The following HSDL1 variants were observed in gnomAD, a reference collection of about 807,000 sequenced individuals.
HSDL1 encodes the protein hydroxysteroid dehydrogenase like 1.
A neutral mutation model predicts 31.5 loss-of-function variants in HSDL1; 29 were observed. That is an observed-to-expected ratio of 0.92 (90% CI 0.69 to 1.26). The LOEUF (loss-of-function observed/expected upper bound fraction) is 1.26. Among genes scored for constraint, HSDL1 ranks in the 50% most tolerant of loss-of-function variants. The pLI is 0.00. For missense variants in HSDL1, 503 were observed against 416.6 expected, an observed-to-expected ratio of 1.21 and a Z score of -1.81; for synonymous variants, 222 against 155.2, an observed-to-expected ratio of 1.43 and a Z score of -3.20.
In HSDL1 at chr16:84,125,790, CAAAATGTTCACTGGTTAAGAACCACAA is replaced by C. The variant is rs372335863; in HGVS notation, c.895-1089_895-1063del. Among the ~76,000 whole-genome samples the C allele has an allele frequency of 7.2e-4, 109 of 152,286 alleles. 1 individual carries two copies. Among genetic ancestry groups the C allele is most frequent in the African/African-American group, 2.6e-3 (106 of 41,550 alleles). ...CTGTCTTTACTTAACGTGATATGAA[CAAAATGTTCACTGGTTAAGAACCACAA>C]AATCGGCTGGGCACGCTGGCTCATG... On this transcript the variant is annotated intron_variant, in intron 5 of 5. Transcript: ENST00000219439.
At chr16:84,125,455 C>T (rs2086596900) in intron 5 of HSDL1, among the ~76,000 whole-genome samples, 1 of 148,738 alleles carries the variant, frequency 6.7e-6, no homozygotes, top group African/African-American at 2.5e-5. Flanking sequence ...AATCACAATA[C>T]CCACCAATCA....
rs532927579 is a variant in HSDL1, at chr16:84,124,260, A to T, written c.*370T>A. ...AAAACCAGCACAACTCCTCTAGTGAAATGGTCAATTTCCCTTAAAAAACAA... is the reference window on the plus strand; with the variant it reads ...AAAACCAGCACAACTCCTCTAGTGATATGGTCAATTTCCCTTAAAAAACAA... On this transcript the variant is annotated 3_prime_UTR_variant, in exon 6 of 6. Coordinates refer to ENST00000219439, the MANE Select transcript of HSDL1 (RefSeq NM_031463.5). 105 of 178,672 alleles carry T rather than the reference A, an allele frequency of 5.9e-4. 2 individuals are homozygous for T. In the South Asian group the frequency reaches 0.012, roughly 21 times the overall value. 11.1% of individuals were successfully genotyped at this position (178,672 alleles called of 1,614,324 possible).
intron 5 of HSDL1, 196 bp from the exon 6 acceptor site, chr16:84,124,924 C>CCAAT (rs370909028): frequency 0.027 from 8,395 of 313,326 alleles, 1,939 homozygotes; most frequent in Non-Finnish European, 0.03. Context: ...CAAATACCCA[C>CCAAT]CAATCACAAC....
chr16:84,130,460 TGTGTATTTCACG>T, intron 3 of HSDL1, 29 bp from the exon 4 acceptor site: 1 of 1,573,172 alleles, frequency 6.4e-7, no homozygotes, highest in Non-Finnish European at 8.6e-7. Context: ...AAAGTGAGCA[TGTGTATTTCACG>T]GTGTGACCCT....
Position 84,129,597 on chromosome 16 carries a change from G to A in HSDL1, c.845C>T (p.Thr282Ile). The change falls in exon 5 of 6, where the codon ACT (threonine) becomes ATT (isoleucine). Residue 282 changes from threonine to isoleucine, a missense_variant. Thr to Ile is a moderately conservative substitution (Grantham distance 89, BLOSUM62 -1). Transcript: ENST00000219439. ...TGTGGTCCTTTTGGAAATCCCAAGAGTAGAAACAGCATGATGTGCATAGAC... is the reference window on the plus strand; with the variant it reads ...TGTGGTCCTTTTGGAAATCCCAAGAATAGAAACAGCATGATGTGCATAGAC... Reference protein sequence around the residue: ...PKVYAHHAVSTLGISKRTTGY... With the variant: ...PKVYAHHAVSILGISKRTTGY... 6.2e-7 allele frequency: 1 copy of A among 1,614,186 alleles called. No individual in the cohort carries two copies. Among genetic ancestry groups the A allele is most frequent in the Non-Finnish European group, 8.5e-7 (1 of 1,180,038 alleles).
intron 2 of HSDL1, among the ~76,000 whole-genome samples, chr16:84,134,429 C>T (rs1359069840): frequency 3.9e-5 from 6 of 152,102 alleles, no homozygotes; most frequent in African/African-American, 1.4e-4. Flanking sequence ...TCAAGACCAG[C>T]CTGGCCAACA....
At chr16:84,139,530 G>C (rs2086746040) in intron 1 of HSDL1, among the ~76,000 whole-genome samples, 1 of 152,160 alleles carries the variant, frequency 6.6e-6, no homozygotes, top group South Asian at 2.1e-4. Context: ...CTGACACCTT[G>C]ACTTTAGCGC....
chr16:84,138,597 T>G (rs2086735298), intron 1 of HSDL1, among the ~76,000 whole-genome samples: 1 of 152,244 alleles, frequency 6.6e-6, no homozygotes, highest in Non-Finnish European at 1.5e-5. Flanking sequence ...TAATTTTATT[T>G]GTCAATTATA....
intron 5 of HSDL1, among the ~76,000 whole-genome samples, chr16:84,126,480 C>T (rs1048952736): frequency 1.5e-4 from 23 of 152,110 alleles, no homozygotes; most frequent in East Asian, 1.9e-4. Flanking sequence ...ATACACAGGA[C>T]GCTCCCCATG....
intron 2 of HSDL1, among the ~76,000 whole-genome samples, chr16:84,131,602 C>A (rs2086667968): frequency 6.6e-6 from 1 of 152,084 alleles, no homozygotes; most frequent in African/African-American, 2.4e-5. Flanking sequence ...GCAACCTCCA[C>A]CTCCCGGGTT....
At chr16:84,134,130 A>G (rs1321437523) in intron 2 of HSDL1, among the ~76,000 whole-genome samples, 1 of 152,046 alleles carries the variant, frequency 6.6e-6, no homozygotes, top group African/African-American at 2.4e-5. Context: ...CCTTCAGTGT[A>G]GCGAACGAGC....
At position 84,129,687 on chromosome 16, in the gene HSDL1, G is replaced by A; in HGVS notation, c.755C>T (p.Ala252Val). 3.1e-6 allele frequency: 5 copies of A among 1,614,174 alleles called. No individual in the cohort carries two copies. The highest frequency in any genetic ancestry group is 4.2e-6 in the Non-Finnish European group (5 of 1,180,016). Residue 252 changes from alanine to valine, a missense_variant, in exon 5 of 6, where the codon GCC becomes GTC. Ala to Val is a moderately conservative substitution (Grantham distance 64, BLOSUM62 0). Coordinates refer to ENST00000219439, the MANE Select transcript of HSDL1 (RefSeq NM_031463.5). ...GTTGCTGGGTGCTGTCATGCTGGTG[G>A]CTACATAGAAAGGGATTAGACTCTG... The part of the protein sequence containing the change: ...FVQSLIPFYV[A>V]TSMTAPSNFL...
intron 1 of HSDL1, among the ~76,000 whole-genome samples, chr16:84,140,743 G>A (rs1320782763): frequency 1.3e-5 from 2 of 152,092 alleles, no homozygotes; most frequent in African/African-American, 4.8e-5. Context: ...CCTAAATTCT[G>A]GGGTAGTCAC....
intron 5 of HSDL1, among the ~76,000 whole-genome samples, chr16:84,127,359 G>A (rs1162315208): frequency 6.6e-6 from 1 of 151,574 alleles, no homozygotes; most frequent in Non-Finnish European, 1.5e-5. Context: ...GGGACTACAG[G>A]CGTGCACCAC....
rs1417256016 is a variant in HSDL1, at chr16:84,124,366, A to G, written c.*264T>C. 6.9e-6 allele frequency: 2 copies of G among 288,730 alleles called. No individual in the cohort carries two copies. The highest frequency in any genetic ancestry group is 1.3e-5 in the Non-Finnish European group (2 of 150,322). The allele number at this position is 288,730 out of a possible 1,614,324, so 17.9% of individuals were successfully genotyped here. Reference sequence around the variant, plus strand: ...TGGCTCTAGAACAACAGAAAAGCGTAACTTTCAAACAGCTTAGGGAAAAAG... The same window carrying G: ...TGGCTCTAGAACAACAGAAAAGCGTGACTTTCAAACAGCTTAGGGAAAAAG... On this transcript the variant is annotated 3_prime_UTR_variant, in exon 6 of 6. Coordinates refer to ENST00000219439, the MANE Select transcript of HSDL1 (RefSeq NM_031463.5).
At chr16:84,138,590 TTTTA>T (rs1350904822) in intron 1 of HSDL1, among the ~76,000 whole-genome samples, 2 of 152,250 alleles carry the variant, frequency 1.3e-5, no homozygotes, top group Non-Finnish European at 2.9e-5. Context: ...ATTTATATAA[TTTTA>T]TTTGTCAATT....
At chr16:84,126,580 T>C (rs986669894) in intron 5 of HSDL1, among the ~76,000 whole-genome samples, 1 of 152,148 alleles carries the variant, frequency 6.6e-6, no homozygotes, top group Non-Finnish European at 1.5e-5. Context: ...CGAATGAAAG[T>C]TCTAACACCG....
chr16:84,138,853 G>GC (rs2086737702), intron 1 of HSDL1, among the ~76,000 whole-genome samples: 1 of 152,164 alleles, frequency 6.6e-6, no homozygotes, highest in South Asian at 2.1e-4. Flanking sequence ...GGTCAAAACT[G>GC]CAAGTAGCAA....
intron 5 of HSDL1, among the ~76,000 whole-genome samples, chr16:84,128,406 C>G (rs1018608628): frequency 6.6e-6 from 1 of 152,092 alleles, no homozygotes; most frequent in Non-Finnish European, 1.5e-5. Flanking sequence ...ATCACAATTT[C>G]AAATATCTAA....
Sources: allele counts gnomAD v4.1 joint callset (sites outside exome capture counted in the v4.1 genomes callset), GRCh38; gene constraint gnomAD v4.1.1; transcripts MANE v1.5; gene names NCBI Gene and HGNC (gene_info 2026-07-23, HGNC 2026-07-21).